The following EML5 variants were observed in gnomAD, a reference collection of about 807,000 sequenced individuals.
The protein encoded by EML5 is echinoderm microtubule-associated protein-like 5.
EML5 carries 120 observed loss-of-function variants against 250.0 expected under a neutral mutation model. The observed-to-expected ratio is 0.48, with a 90% CI of 0.41 to 0.56. The LOEUF is 0.56. EML5 is among the 20% of genes least tolerant of loss of function. The probability of loss-of-function intolerance (pLI) is 0.00; values close to 1 mark genes in which losing one functional copy is unlikely to be tolerated. For missense variants in EML5, 2,006 were observed against 2,437.6 expected, an observed-to-expected ratio of 0.82 and a Z score of 3.73; for synonymous variants, 771 against 806.5, an observed-to-expected ratio of 0.96 and a Z score of 0.75.
At chr14:88,680,406 G>C (rs1350457030) in intron 21 of EML5, among the ~76,000 whole-genome samples, 2 of 151,978 alleles carry the variant, frequency 1.3e-5, no homozygotes, top group African/African-American at 4.8e-5. Flanking sequence ...GTTCTCCACA[G>C]AGAAGGAAAA....
At chr14:88,763,896 G>A (rs572051073) in intron 1 of EML5, among the ~76,000 whole-genome samples, 17 of 152,200 alleles carry the variant, frequency 1.1e-4, no homozygotes, top group African/African-American at 4.1e-4. Context: ...TTTATAGCCG[G>A]GTTAAAGAAG....
chr14:88,702,243 T>C (rs1340979601), intron 14 of EML5, among the ~76,000 whole-genome samples: 1 of 152,050 alleles, frequency 6.6e-6, no homozygotes, highest in Non-Finnish European at 1.5e-5. Context: ...TAAATTAAAA[T>C]AATATGAATT....
At chr14:88,640,418 C>A (rs188640416) in intron 31 of EML5, among the ~76,000 whole-genome samples, 87 of 152,118 alleles carry the variant, frequency 5.7e-4, no homozygotes, top group African/African-American at 1.8e-3. Context: ...CACACAATTA[C>A]GTAAAAATTA....
At chr14:88,732,070 T>C (rs1354453814) in intron 7 of EML5, among the ~76,000 whole-genome samples, 2 of 152,170 alleles carry the variant, frequency 1.3e-5, no homozygotes, top group Admixed American at 6.5e-5. Flanking sequence ...TTTAGTTTAA[T>C]TAGATCCCAT....
intron 17 of EML5, among the ~76,000 whole-genome samples, chr14:88,689,068 T>C (rs75261248): frequency 0.02 from 3,028 of 152,348 alleles, 98 homozygotes; most frequent in African/African-American, 0.066. Context: ...GAAAACTCAC[T>C]TTCATAACCA....
At position 88,687,910 on chromosome 14, in the gene EML5, A is replaced by T. The variant is rs59919777; in HGVS notation, c.2742+361T>A. 8.4e-3 allele frequency among the ~76,000 whole-genome samples: 1,282 copies of T among 152,266 alleles called. 15 individuals carry two copies. Among genetic ancestry groups the T allele is most frequent in the African/African-American group, 0.03 (1,227 of 41,538 alleles). On this transcript the variant is annotated intron_variant, in intron 18 of 43. Transcript: ENST00000554922. The stretch of plus-strand genomic sequence containing the variant: ...GGGCAACATAATCTCTACCAAAAAA[A>T]TTTTTAAAAATTAGATGGGTGTGGG...
At chr14:88,751,530 T>C (rs1312839781) in intron 2 of EML5, among the ~76,000 whole-genome samples, 4 of 152,010 alleles carry the variant, frequency 2.6e-5, no homozygotes, top group Admixed American at 2.0e-4. Flanking sequence ...TGTTGGTTTT[T>C]TTTTGATAGT....
chr14:88,762,230 G>A (rs2094254771), intron 1 of EML5, among the ~76,000 whole-genome samples: 1 of 152,138 alleles, frequency 6.6e-6, no homozygotes, highest in Non-Finnish European at 1.5e-5. Flanking sequence ...AAAGACACGG[G>A]CCATGCGTAG....
chr14:88,776,429 C>T (rs189806729), intron 1 of EML5, among the ~76,000 whole-genome samples: 1 of 152,032 alleles, frequency 6.6e-6, no homozygotes, highest in Admixed American at 6.6e-5. Context: ...AAATAATTTA[C>T]AAGAACCAAA....
Position 88,773,835 on chromosome 14 carries a change from G to T in EML5, c.197+18472C>A, listed in dbSNP as rs2094419883. On this transcript the variant is annotated intron_variant, in intron 1 of 43. Coordinates refer to ENST00000554922, the MANE Select transcript of EML5 (RefSeq NM_183387.3). ...TGGAGGTGATAAAAAACTTATTACTGGGGCCGGGCATAGTGGCTCATGCCT... is the reference window on the plus strand; with the variant it reads ...TGGAGGTGATAAAAAACTTATTACTTGGGCCGGGCATAGTGGCTCATGCCT... 2.6e-5 allele frequency among the ~76,000 whole-genome samples: 4 copies of T among 152,202 alleles called. No individual in the cohort carries two copies. In the South Asian group the frequency reaches 6.2e-4, roughly 24 times the overall value.
chr14:88,783,943 T>A (rs573128830), intron 1 of EML5, among the ~76,000 whole-genome samples: 2 of 152,178 alleles, frequency 1.3e-5, no homozygotes, highest in African/African-American at 2.4e-5. Context: ...TTGAAAAACA[T>A]TGAAATAATA....
intron 13 of EML5, among the ~76,000 whole-genome samples, chr14:88,703,914 CTTTCA>C (rs1566664444): frequency 6.6e-6 from 1 of 152,144 alleles, no homozygotes; most frequent in Non-Finnish European, 1.5e-5. Flanking sequence ...ACATATGAAA[CTTTCA>C]TAAGACAAAT....
chr14:88,630,120 T>G (rs972268856), intron 33 of EML5, among the ~76,000 whole-genome samples: 3 of 146,108 alleles, frequency 2.1e-5, no homozygotes, highest in Non-Finnish European at 4.5e-5. Flanking sequence ...AACCTCTGCC[T>G]CTGGGGTTCA....
At chr14:88,678,813 G>C (rs1453475955) in intron 21 of EML5, among the ~76,000 whole-genome samples, 1 of 152,044 alleles carries the variant, frequency 6.6e-6, no homozygotes, top group East Asian at 1.9e-4. Flanking sequence ...TTGAACACTG[G>C]AATATGAACA....
intron 27 of EML5, among the ~76,000 whole-genome samples, chr14:88,654,268 T>C (rs1053895234): frequency 6.6e-6 from 1 of 152,152 alleles, no homozygotes; most frequent in Non-Finnish European, 1.5e-5. Flanking sequence ...GGGTTTTTTG[T>C]GTCTCTCTCT....
At position 88,618,230 on chromosome 14, in the gene EML5, AGTCCAT is replaced by A; in HGVS notation, c.5634_5639del (p.Trp1879_Thr1880del). The A allele has an allele frequency of 6.2e-7, 1 of 1,613,224 alleles. No homozygotes were observed. The highest frequency in any genetic ancestry group is 8.5e-7 in the Non-Finnish European group (1 of 1,179,424). ...CTTGTGAATATATAAGTATTTACCTAGTCCATGTAGCCCAAGTAATTCTGTCAATAG... is the reference window on the plus strand; with the variant it reads ...CTTGTGAATATATAAGTATTTACCTAGTAGCCCAAGTAATTCTGTCAATAG... On this transcript the variant is annotated inframe_deletion, in exon 41 of 44. Transcript: ENST00000554922.
intron 3 of EML5, among the ~76,000 whole-genome samples, chr14:88,745,055 T>C (rs1020137591): frequency 6.6e-6 from 1 of 152,136 alleles, no homozygotes; most frequent in Non-Finnish European, 1.5e-5. Context: ...CGGGTCTATT[T>C]ATATAAATTC....
intron 4 of EML5, 65 bp downstream of exon 4, chr14:88,743,958 G>T: frequency 9.1e-7 from 1 of 1,095,108 alleles, no homozygotes; most frequent in Non-Finnish European, 1.3e-6. Context: ...ATTGTTAACA[G>T]TGCAATATAT....
At chr14:88,711,881 G>C (rs953158724) in intron 10 of EML5, among the ~76,000 whole-genome samples, 3 of 151,698 alleles carry the variant, frequency 2.0e-5, no homozygotes, top group Non-Finnish European at 4.4e-5. Context: ...AGAGGTGGAG[G>C]CTGCAGTGAG....
Sources: allele counts gnomAD v4.1 joint callset (sites outside exome capture counted in the v4.1 genomes callset), GRCh38; gene constraint gnomAD v4.1.1; transcripts MANE v1.5; gene names NCBI Gene and HGNC (gene_info 2026-07-23, HGNC 2026-07-21).